The following ATRNL1 variants were observed in gnomAD, a reference collection of about 807,000 sequenced individuals.
ATRNL1 encodes the protein attractin like 1, also known as attractin-like protein 1.
ATRNL1 carries 95 observed loss-of-function variants against 182.7 expected under a neutral mutation model. The ratio of observed to expected loss-of-function variants is 0.52; its 90% confidence interval spans 0.44 to 0.62. The LOEUF (loss-of-function observed/expected upper bound fraction) is 0.62. Among genes scored for constraint, ATRNL1 ranks in the 20% least tolerant of loss-of-function variants. The probability of loss-of-function intolerance (pLI) is 0.00; values close to 1 mark genes in which losing one functional copy is unlikely to be tolerated. For missense variants in ATRNL1, 1,471 were observed against 1,679.5 expected, an observed-to-expected ratio of 0.88 and a Z score of 2.17; for synonymous variants, 576 against 568.3, an observed-to-expected ratio of 1.01 and a Z score of -0.19.
intron 9 of ATRNL1, among the ~76,000 whole-genome samples, chr10:115,219,662 T>C (rs1290493346): frequency 6.6e-6 from 1 of 152,134 alleles, no homozygotes. Context: ...CAGCACTTTG[T>C]GAGGCAGAGG....
At chr10:115,906,722 C>G (rs1565476487) in intron 28 of ATRNL1, among the ~76,000 whole-genome samples, 2 of 152,106 alleles carry the variant, frequency 1.3e-5, no homozygotes, top group Non-Finnish European at 2.9e-5. Flanking sequence ...CATGCCTCCC[C>G]CTAGAATTTC....
chr10:115,740,094 C>T (rs1555067205), intron 27 of ATRNL1, among the ~76,000 whole-genome samples: 1 of 100,094 alleles, frequency 1.0e-5, no homozygotes, highest in Non-Finnish European at 2.0e-5. Flanking sequence ...ATCTAAGAAA[C>T]CAATAATGTT....
intron 8 of ATRNL1, among the ~76,000 whole-genome samples, chr10:115,185,384 A>C (rs782469753): frequency 9.9e-5 from 15 of 152,036 alleles, no homozygotes; most frequent in Non-Finnish European, 1.8e-4. Context: ...TTAAGGAAGC[A>C]CTCAAGAAAA....
chr10:115,646,036 T>TACGCACACAC, intron 26 of ATRNL1, among the ~76,000 whole-genome samples: 1 of 141,664 alleles, frequency 7.1e-6, no homozygotes, highest in East Asian at 2.1e-4. Flanking sequence ...TTTTAAAATT[T>TACGCACACAC]ACACACACAC....
chr10:115,265,082 CTT>C, intron 10 of ATRNL1, 109 bp from the exon 11 acceptor site: 1 of 534,062 alleles, frequency 1.9e-6, no homozygotes, highest in South Asian at 3.6e-5. Context: ...TTTTTTTTTG[CTT>C]CCTGCTTATG....
chr10:115,209,363 C>CA (rs1848929288), intron 8 of ATRNL1, among the ~76,000 whole-genome samples: 1 of 148,692 alleles, frequency 6.7e-6, no homozygotes, highest in Non-Finnish European at 1.5e-5. Flanking sequence ...CCTATGCTGT[C>CA]ACAGGATCAC....
intron 22 of ATRNL1, among the ~76,000 whole-genome samples, chr10:115,465,539 T>C (rs1340215307): frequency 6.6e-6 from 1 of 151,664 alleles, no homozygotes; most frequent in Non-Finnish European, 1.5e-5. Context: ...TTTGACAGTT[T>C]TGTGGCATGT....
chr10:115,537,787 T>TA (rs1215670303), intron 25 of ATRNL1, among the ~76,000 whole-genome samples: 1 of 152,158 alleles, frequency 6.6e-6, no homozygotes, highest in African/African-American at 2.4e-5. Context: ...GTGTGAGTTT[T>TA]AACACATGCA....
intron 26 of ATRNL1, among the ~76,000 whole-genome samples, chr10:115,614,268 T>C (rs1857318175): frequency 6.6e-6 from 1 of 152,126 alleles, no homozygotes; most frequent in South Asian, 2.1e-4. Flanking sequence ...TTTAATTCCT[T>C]CCATGACCCA....
chr10:115,663,204 A>C (rs781928261), intron 26 of ATRNL1, among the ~76,000 whole-genome samples: 19 of 152,050 alleles, frequency 1.2e-4, no homozygotes, highest in Admixed American at 6.6e-5. Flanking sequence ...CCAGTGAGTA[A>C]ACTGAGGTTC....
At chr10:115,437,315 A>T (rs1846449169) in intron 21 of ATRNL1, among the ~76,000 whole-genome samples, 1 of 152,070 alleles carries the variant, frequency 6.6e-6, no homozygotes, top group African/African-American at 2.4e-5. Context: ...CATAAGAAAG[A>T]TAGGACGCCA....
intron 26 of ATRNL1, among the ~76,000 whole-genome samples, chr10:115,592,623 A>C (rs1855979133): frequency 6.6e-6 from 1 of 152,170 alleles, no homozygotes; most frequent in Non-Finnish European, 1.5e-5. Flanking sequence ...GAACTCATAT[A>C]ATATGTGGTC....
At chr10:115,268,528 G>A (rs1011824131) in intron 13 of ATRNL1, 84 bp downstream of exon 13, 4 of 935,730 alleles carry the variant, frequency 4.3e-6, no homozygotes, top group Admixed American at 1.8e-5. Flanking sequence ...TAGCACTGTA[G>A]AAAAAAAGCA....
intron 21 of ATRNL1, among the ~76,000 whole-genome samples, chr10:115,437,143 T>C (rs1554964929): frequency 6.6e-6 from 1 of 151,936 alleles, no homozygotes; most frequent in Non-Finnish European, 1.5e-5. Context: ...GGACAGCATG[T>C]ACAAAGGTTC....
chr10:115,326,741 G>A (rs1275647930), intron 18 of ATRNL1, among the ~76,000 whole-genome samples: 1 of 151,970 alleles, frequency 6.6e-6, no homozygotes, highest in Non-Finnish European at 1.5e-5. Flanking sequence ...CAGAGATATA[G>A]ATCAATGGAA....
At chr10:115,216,955 A>G in intron 9 of ATRNL1, among the ~76,000 whole-genome samples, 1 of 152,052 alleles carries the variant, frequency 6.6e-6, no homozygotes, top group East Asian at 1.9e-4. Context: ...TGTATAACTC[A>G]TAAATAGCAT....
At chr10:115,386,314 T>C (rs1222675322) in intron 19 of ATRNL1, among the ~76,000 whole-genome samples, 6 of 152,254 alleles carry the variant, frequency 3.9e-5, no homozygotes, top group African/African-American at 1.4e-4. Flanking sequence ...TAATAAATGA[T>C]ATTAATGTTT....
chr10:115,398,178 G>A (rs553744537), intron 20 of ATRNL1, among the ~76,000 whole-genome samples: 1 of 152,020 alleles, frequency 6.6e-6, no homozygotes, highest in Admixed American at 6.6e-5. Flanking sequence ...CATTTTAAGA[G>A]AGCATTCCTT....
intron 26 of ATRNL1, among the ~76,000 whole-genome samples, chr10:115,604,554 T>G (rs537618849): frequency 6.6e-6 from 1 of 152,262 alleles, no homozygotes; most frequent in African/African-American, 2.4e-5. Flanking sequence ...TTAGAGCTCT[T>G]TTTCAGCATA....
Sources: gnomAD v4.1 joint callset for allele counts (sites outside exome capture counted in the v4.1 genomes callset) on GRCh38, gnomAD v4.1.1 for gene constraint, MANE v1.5 for transcripts, NCBI Gene and HGNC (gene_info 2026-07-23, HGNC 2026-07-21) for gene names.